Variants in RALYL observed in about 807,000 individuals in gnomAD.
The protein encoded by RALYL is RALY RNA binding protein like, also known as RNA-binding Raly-like protein.
RALYL carries 29 observed loss-of-function variants against 35.1 expected under a neutral mutation model. That is an observed-to-expected ratio of 0.83 (90% CI 0.61 to 1.13). The LOEUF is 1.13. Among genes scored for constraint, RALYL ranks in the 50% most tolerant of loss-of-function variants. RALYL has a pLI of 0.00. For missense variants in RALYL, 359 were observed against 360.4 expected, an observed-to-expected ratio of 1.00 and a Z score of 0.03; for synonymous variants, 120 against 127.6, an observed-to-expected ratio of 0.94 and a Z score of 0.40.
chr8:84,756,257 G>C (rs1245143736), intron 2 of RALYL, among the ~76,000 whole-genome samples: 1 of 151,996 alleles, frequency 6.6e-6, no homozygotes, highest in Non-Finnish European at 1.5e-5. Context: ...AAGAAAACAA[G>C]ACACAAAGTA....
intron 7 of RALYL, 28 bp downstream of exon 7, chr8:84,873,425 C>T (rs755601569): frequency 1.5e-6 from 2 of 1,336,108 alleles, no homozygotes; most frequent in African/African-American, 1.4e-5. Flanking sequence ...ACAGACAGGT[C>T]AGAATTGAAC....
At chr8:84,425,317 G>T (rs2046259308) in intron 1 of RALYL, among the ~76,000 whole-genome samples, 2 of 152,014 alleles carry the variant, frequency 1.3e-5, no homozygotes, top group Admixed American at 1.3e-4. Context: ...GATTTTCCAG[G>T]TGCGTCCGTC....
chr8:84,646,542 G>A (rs1827537152), intron 2 of RALYL, among the ~76,000 whole-genome samples: 1 of 151,978 alleles, frequency 6.6e-6, no homozygotes. Flanking sequence ...TTCAATTTAA[G>A]TGATTTTTCA....
chr8:84,372,309 C>T (rs1459991190), intron 1 of RALYL, among the ~76,000 whole-genome samples: 2 of 152,006 alleles, frequency 1.3e-5, no homozygotes, highest in South Asian at 2.1e-4. Context: ...GGCACGTGAG[C>T]GGCACACATT....
chr8:84,545,434 T>A (rs1441955083), intron 2 of RALYL, among the ~76,000 whole-genome samples: 1 of 152,184 alleles, frequency 6.6e-6, no homozygotes, highest in Non-Finnish European at 1.5e-5. Flanking sequence ...AAAATTTTTA[T>A]TCAAAATTTT....
rs942917651 is a variant in RALYL at position 84,797,789 on chromosome 8, A to G, written c.333-6981A>G. 2.6e-5 allele frequency among the ~76,000 whole-genome samples: 4 copies of G among 151,908 alleles called. No individual in the cohort carries two copies. In the East Asian group the frequency reaches 7.7e-4, roughly 29 times the overall value. On this transcript the variant is annotated intron_variant, in intron 3 of 8. Transcript: ENST00000521268. ...AGAATGTTAACACTTCTCAATTCCT[A>G]CTCCTTGCTGGCTTGAGTAAGGCAC... is the stretch of plus-strand genomic sequence containing the variant.
intron 2 of RALYL, among the ~76,000 whole-genome samples, chr8:84,649,868 G>C (rs944095555): frequency 1.3e-5 from 2 of 152,000 alleles, no homozygotes; most frequent in African/African-American, 4.8e-5. Flanking sequence ...AAATTACCTT[G>C]GGCAGTATGG....
At chr8:84,334,600 A>T (rs79806189) in intron 1 of RALYL, among the ~76,000 whole-genome samples, 3,757 of 152,042 alleles carry the variant, frequency 0.025, 163 homozygotes, top group African/African-American at 0.086. Flanking sequence ...CTATGTAATT[A>T]TAAAAATCAA....
At chr8:84,232,443 A>C (rs1825589815) in intron 1 of RALYL, among the ~76,000 whole-genome samples, 1 of 152,198 alleles carries the variant, frequency 6.6e-6, no homozygotes, top group African/African-American at 2.4e-5. Context: ...TAGCCTATCC[A>C]ATTCAAAACT....
chr8:84,469,630 A>G (rs2133644641), intron 1 of RALYL, among the ~76,000 whole-genome samples: 1 of 152,328 alleles, frequency 6.6e-6, no homozygotes, highest in East Asian at 1.9e-4. Flanking sequence ...GAGCCTACAG[A>G]GGAAAGCAGG....
At chr8:84,584,318 T>C (rs1811502383) in intron 2 of RALYL, among the ~76,000 whole-genome samples, 1 of 152,092 alleles carries the variant, frequency 6.6e-6, no homozygotes, top group Admixed American at 6.6e-5. Context: ...ATTATTGATA[T>C]TTAAGGCCAG....
At chr8:84,385,751 C>G (rs920590659) in intron 1 of RALYL, among the ~76,000 whole-genome samples, 1 of 151,776 alleles carries the variant, frequency 6.6e-6, no homozygotes, top group African/African-American at 2.4e-5. Flanking sequence ...GGCTAGCTAG[C>G]CTTTGATGTT....
At chr8:84,727,840 A>G (rs1404488400) in intron 2 of RALYL, among the ~76,000 whole-genome samples, 2 of 151,942 alleles carry the variant, frequency 1.3e-5, no homozygotes, top group South Asian at 2.1e-4. Flanking sequence ...TCCATGGTGT[A>G]TATGTGCCAC....
At chr8:84,435,269 C>A (rs995892810) in intron 1 of RALYL, among the ~76,000 whole-genome samples, 2 of 152,090 alleles carry the variant, frequency 1.3e-5, no homozygotes, top group African/African-American at 2.4e-5. Flanking sequence ...AAATTTATTT[C>A]TGTATGTGAG....
intron 1 of RALYL, among the ~76,000 whole-genome samples, chr8:84,325,264 G>A (rs1845597138): frequency 6.6e-6 from 1 of 152,148 alleles, no homozygotes. Context: ...CCGTTCAGTT[G>A]CAGTTGTTCT....
intron 1 of RALYL, among the ~76,000 whole-genome samples, chr8:84,328,618 A>G (rs1384624753): frequency 6.6e-6 from 1 of 152,122 alleles, no homozygotes; most frequent in African/African-American, 2.4e-5. Context: ...TATTTTTTAT[A>G]ATTTCAACTT....
intron 1 of RALYL, among the ~76,000 whole-genome samples, chr8:84,395,625 G>A (rs998004709): frequency 3.3e-5 from 5 of 151,796 alleles, no homozygotes; most frequent in African/African-American, 9.7e-5. Context: ...GGCACATTAC[G>A]TATGTTCATA....
chr8:84,218,112 G>T lies in RALYL; in HGVS notation c.-24+33688G>T, dbSNP rs1425538287. Among the ~76,000 whole-genome samples, 11 of 152,104 alleles carry T rather than the reference G, an allele frequency of 7.2e-5. No homozygotes were observed. The East Asian group carries it at 1.9e-3, about 27-fold the overall frequency. ...TCTAGAACATTTTACTTCACCATTTGTGGAAACTATGGATGAGTGGCAGCC... is the reference window on the plus strand; with the variant it reads ...TCTAGAACATTTTACTTCACCATTTTTGGAAACTATGGATGAGTGGCAGCC... On this transcript the variant is annotated intron_variant, in intron 1 of 8. Transcript: ENST00000521268.
At chr8:84,864,590 T>C (rs59560434) in intron 6 of RALYL, 4,715 of 235,360 alleles carry the variant, frequency 0.02, 207 homozygotes, top group African/African-American at 0.098. Context: ...AAAAGATTTA[T>C]CCTAAGGATT....
Sources: allele counts gnomAD v4.1 joint callset (sites outside exome capture counted in the v4.1 genomes callset), GRCh38; gene constraint gnomAD v4.1.1; transcripts MANE v1.5; gene names NCBI Gene and HGNC (gene_info 2026-07-23, HGNC 2026-07-21).